The following ZFYVE9 variants were observed in gnomAD, a reference collection of about 807,000 sequenced individuals.
The protein encoded by ZFYVE9 is zinc finger FYVE-type containing 9, also known as zinc finger FYVE domain-containing protein 9.
In ZFYVE9, 43 loss-of-function variants were observed where a neutral mutation model predicts 126.7. The observed-to-expected ratio is 0.34, with a 90% confidence interval of 0.27 to 0.44. ZFYVE9 has a LOEUF of 0.44. ZFYVE9 is among the 20% of genes least tolerant of loss of function. The pLI is 1.00. For missense variants in ZFYVE9, 1,476 were observed against 1,697.0 expected (o/e 0.87, Z 2.29); for synonymous variants, 521 against 597.4 (o/e 0.87, Z 1.87).
At chr1:52,188,668 A>G (rs1243390818) in intron 1 of ZFYVE9, among the ~76,000 whole-genome samples, 1 of 152,164 alleles carries the variant, frequency 6.6e-6, no homozygotes, top group Non-Finnish European at 1.5e-5. Flanking sequence ...TTTCTATCTT[A>G]TAATTGAAGA....
chr1:52,172,543 C>T (rs1048632923), intron 1 of ZFYVE9, among the ~76,000 whole-genome samples: 3 of 152,086 alleles, frequency 2.0e-5, no homozygotes, highest in African/African-American at 7.2e-5. Flanking sequence ...TGAAGAAAGT[C>T]ATTGGTAGCT....
chr1:52,183,785 C>T (rs1272939202), intron 1 of ZFYVE9, among the ~76,000 whole-genome samples: 3 of 152,030 alleles, frequency 2.0e-5, no homozygotes, highest in Non-Finnish European at 4.4e-5. Flanking sequence ...GGATTACTGG[C>T]GTGAGCCACC....
chr1:52,182,057 G>A (rs1302061381), intron 1 of ZFYVE9, among the ~76,000 whole-genome samples: 3 of 150,768 alleles, frequency 2.0e-5, no homozygotes, highest in Non-Finnish European at 4.4e-5. Flanking sequence ...GAGGGGGTCA[G>A]CCCCTCGCCC....
At chr1:52,187,363 C>T (rs997703839) in intron 1 of ZFYVE9, among the ~76,000 whole-genome samples, 6 of 152,028 alleles carry the variant, frequency 3.9e-5, no homozygotes, top group Non-Finnish European at 8.8e-5. Context: ...GTATAAAAAC[C>T]CTGGAAGACA....
At chr1:52,317,392 C>T (rs1210896351) in intron 13 of ZFYVE9, among the ~76,000 whole-genome samples, 1 of 151,120 alleles carries the variant, frequency 6.6e-6, no homozygotes, top group Non-Finnish European at 1.5e-5. Flanking sequence ...CATGATGGTG[C>T]GTGTCTGTAA....
At chr1:52,277,802 A>G (rs1335632807) in intron 8 of ZFYVE9, among the ~76,000 whole-genome samples, 1 of 152,206 alleles carries the variant, frequency 6.6e-6, no homozygotes, top group Non-Finnish European at 1.5e-5. Context: ...TGAGATGCTG[A>G]AGCACATACT....
chr1:52,203,329 G>T (rs1446580381), intron 1 of ZFYVE9, among the ~76,000 whole-genome samples: 3 of 151,822 alleles, frequency 2.0e-5, no homozygotes, highest in Non-Finnish European at 4.4e-5. Flanking sequence ...TTACAGGCTT[G>T]CGCCACTACC....
chr1:52,171,151 C>T (rs7520558), intron 1 of ZFYVE9, among the ~76,000 whole-genome samples: 2,830 of 151,968 alleles, frequency 0.019, 85 homozygotes, highest in African/African-American at 0.064. Context: ...TCCCTCCCCG[C>T]TCCCCCCACC....
At chr1:52,212,905 T>G (rs1645040568) in intron 1 of ZFYVE9, among the ~76,000 whole-genome samples, 1 of 152,258 alleles carries the variant, frequency 6.6e-6, no homozygotes, top group Non-Finnish European at 1.5e-5. Context: ...AGATGACATT[T>G]GAGTGGAATA....
At position 52,300,552 on chromosome 1, in the gene ZFYVE9, C is replaced by T. The variant is rs1238608846; in HGVS notation, c.3334-3269C>T. Among the ~76,000 whole-genome samples the T allele has an allele frequency of 4.0e-5, 6 of 151,390 alleles. No homozygotes were observed. The Admixed American group carries it at 4.0e-4, about 10-fold the overall frequency. Reference sequence around the variant, plus strand: ...GTTGCAGTGAGCCAAGATCGTGCCACTGCATTCCAGCCTGGGCGACAGAGT... The same window carrying T: ...GTTGCAGTGAGCCAAGATCGTGCCATTGCATTCCAGCCTGGGCGACAGAGT... On this transcript the variant is annotated intron_variant, in intron 12 of 18. Coordinates refer to ENST00000287727, the MANE Select transcript of ZFYVE9 (RefSeq NM_004799.4).
At chr1:52,334,362 CA>C (rs1646370748) in intron 14 of ZFYVE9, among the ~76,000 whole-genome samples, 1 of 152,134 alleles carries the variant, frequency 6.6e-6, no homozygotes, top group African/African-American at 2.4e-5. Context: ...ATTTTATTTA[CA>C]AAAGCAGGCT....
chr1:52,265,718 T>C lies in ZFYVE9; in HGVS notation c.2279-937T>C, dbSNP rs1339986888. 2.0e-5 allele frequency among the ~76,000 whole-genome samples: 3 copies of C among 152,346 alleles called. 1 individual carries two copies. The highest frequency in any genetic ancestry group is 2.0e-4 in the Admixed American group (3 of 15,296). ...AATGGTTGTTACTGATGGATAGTTT[T>C]ATACAGGGTGATGATTACATAAAAG... On this transcript the variant is annotated intron_variant, in intron 5 of 18. Transcript: ENST00000287727.
At chr1:52,337,366 A>T (rs1211330932) in intron 15 of ZFYVE9, among the ~76,000 whole-genome samples, 1 of 152,212 alleles carries the variant, frequency 6.6e-6, no homozygotes, top group Non-Finnish European at 1.5e-5. Context: ...TATTTAGCAA[A>T]CATTTATTGG....
chr1:52,218,772 G>A (rs867662778), intron 2 of ZFYVE9, among the ~76,000 whole-genome samples: 4 of 152,320 alleles, frequency 2.6e-5, no homozygotes, highest in South Asian at 4.1e-4. Context: ...GGCATGAAGC[G>A]AGAAATGGTT....
At chr1:52,174,057 G>A (rs1402954667) in intron 1 of ZFYVE9, among the ~76,000 whole-genome samples, 1 of 151,762 alleles carries the variant, frequency 6.6e-6, no homozygotes, top group Non-Finnish European at 1.5e-5. Flanking sequence ...TTTTGAATGT[G>A]TTTGCTCTTG....
chr1:52,337,848 C>T lies in ZFYVE9; in HGVS notation c.3747C>T (p.Thr1249=), dbSNP rs866793985. 2 of 1,614,250 alleles carry T rather than the reference C, an allele frequency of 1.2e-6. No homozygotes were observed. Among genetic ancestry groups the T allele is most frequent in the Non-Finnish European group, 1.7e-6 (2 of 1,180,040 alleles). The change falls in exon 16 of 19, where the codon ACC becomes ACT. Residue 1249 remains threonine (T), a synonymous_variant. Coordinates refer to ENST00000287727, the MANE Select transcript of ZFYVE9 (RefSeq NM_004799.4). ...RQALREMKDF[T]ITCGKADAEE... The stretch of plus-strand genomic sequence containing the variant: ...CACTGCGAGAGATGAAGGACTTCAC[C>T]ATCACCTGTGGGAAGGCGGACGCGG...
intron 1 of ZFYVE9, among the ~76,000 whole-genome samples, chr1:52,184,042 A>C (rs1001502821): frequency 2.6e-5 from 4 of 151,138 alleles, no homozygotes; most frequent in Admixed American, 2.6e-4. Context: ...AGTAAGGTAG[A>C]GTAGGGCTGC....
intron 1 of ZFYVE9, among the ~76,000 whole-genome samples, chr1:52,184,682 C>G (rs1210159209): frequency 6.6e-6 from 1 of 151,982 alleles, no homozygotes; most frequent in Non-Finnish European, 1.5e-5. Context: ...CTATCCAGGA[C>G]GATTATTCCA....
intron 13 of ZFYVE9, among the ~76,000 whole-genome samples, chr1:52,313,679 T>G (rs780779537): frequency 6.6e-6 from 1 of 152,174 alleles, no homozygotes; most frequent in East Asian, 1.9e-4. Flanking sequence ...ATGACTCAAA[T>G]TATGTACAGA....
Sources: allele counts gnomAD v4.1 joint callset (sites outside exome capture counted in the v4.1 genomes callset), GRCh38; gene constraint gnomAD v4.1.1; transcripts MANE v1.5; gene names NCBI Gene and HGNC (gene_info 2026-07-23, HGNC 2026-07-21).